ZFAT: variants seen among roughly 807,000 people sequenced by gnomAD.
ZFAT encodes the protein zinc finger protein ZFAT.
A neutral mutation model predicts 117.7 loss-of-function variants in ZFAT; 64 were observed. That is an observed-to-expected ratio of 0.54 (90% CI 0.44 to 0.67). The LOEUF is 0.67. Among genes scored for constraint, ZFAT ranks in the 30% least tolerant of loss-of-function variants. The probability of loss-of-function intolerance (pLI) is 0.00; values close to 1 mark genes in which losing one functional copy is unlikely to be tolerated. For missense variants in ZFAT, 1,433 were observed against 1,584.5 expected (o/e 0.90, Z 1.62); for synonymous variants, 679 against 615.0 (o/e 1.10, Z -1.54).
Position 134,583,841 on chromosome 8 carries a change from T to C in ZFAT, c.2878A>G (p.Thr960Ala), listed in dbSNP as rs563637779. ...TGGGCCATTTACTCACCATCTGCAG[T>C]GTGAAGGAGTTTGTGACTTTTCAGT... ...GTLKSHKLLH[T>A]ADGKQFKCTV... Residue 960 changes from threonine to alanine, a missense_variant, in exon 10 of 16, where the codon ACT becomes GCT. Physicochemically the swap from Thr to Ala is moderately conservative, Grantham distance 58 (BLOSUM62 0). Transcript: ENST00000377838. 1.2e-5 allele frequency: 19 copies of C among 1,613,522 alleles called. No individual in the cohort carries two copies. The African/African-American group carries it at 1.9e-4, about 16-fold the overall frequency.
chr8:134,824,324 C>G, the ZFAT span, among the ~76,000 whole-genome samples: 1 of 152,022 alleles, frequency 6.6e-6, no homozygotes, highest in East Asian at 1.9e-4. Context: ...AAAGTTGGAG[C>G]TAGGGAAAGA....
chr8:134,646,113 G>A (rs1048263397), intron 2 of ZFAT, among the ~76,000 whole-genome samples: 2 of 152,122 alleles, frequency 1.3e-5, no homozygotes, highest in Non-Finnish European at 2.9e-5. Flanking sequence ...GGAGGCTGAG[G>A]CAGGAGAATC....
chr8:134,611,842 G>A (rs949352734), intron 3 of ZFAT, among the ~76,000 whole-genome samples: 1 of 152,234 alleles, frequency 6.6e-6, no homozygotes, highest in African/African-American at 2.4e-5. Context: ...TGCCGCTGCT[G>A]CAGACAGCAA....
intron 3 of ZFAT, among the ~76,000 whole-genome samples, chr8:134,619,710 A>G (rs768365156): frequency 4.6e-5 from 7 of 152,230 alleles, no homozygotes; most frequent in Non-Finnish European, 8.8e-5. Flanking sequence ...TTAAACAAAT[A>G]GCAAGGGAAG....
intron 15 of ZFAT, among the ~76,000 whole-genome samples, chr8:134,504,767 G>A (rs75326728): frequency 1.4e-4 from 22 of 152,126 alleles, no homozygotes; most frequent in Admixed American, 3.9e-4. Flanking sequence ...AGATACTTCC[G>A]AGACTTGGAA....
intron 1 of ZFAT, among the ~76,000 whole-genome samples, chr8:134,701,699 G>A (rs773067963): frequency 7.2e-5 from 11 of 152,092 alleles, no homozygotes; most frequent in Admixed American, 2.0e-4. Context: ...TCTTTAATAC[G>A]ACCTTGAGAT....
At chr8:134,778,692 GC>G in the ZFAT span, among the ~76,000 whole-genome samples, 21 of 152,216 alleles carry the variant, frequency 1.4e-4, no homozygotes, top group African/African-American at 4.8e-4. Flanking sequence ...TGCAAAGGAA[GC>G]ACAGACAAGG....
At chr8:134,741,342 A>G in the ZFAT span, among the ~76,000 whole-genome samples, 3 of 151,974 alleles carry the variant, frequency 2.0e-5, no homozygotes, top group African/African-American at 7.3e-5. Flanking sequence ...CAGGCTCTCC[A>G]ACAACCTTCT....
the ZFAT span, chr8:134,793,903 T>C: frequency 2.0e-5 from 3 of 152,146 alleles, no homozygotes; most frequent in African/African-American, 4.8e-5. Context: ...CACAATAAAA[T>C]AAATAACTGA....
At chr8:134,718,253 C>T in the ZFAT span, among the ~76,000 whole-genome samples, 1 of 152,086 alleles carries the variant, frequency 6.6e-6, no homozygotes, top group African/African-American at 2.4e-5. Context: ...AATTCCAGCA[C>T]TTTGGGAGGC....
intron 13 of ZFAT, among the ~76,000 whole-genome samples, chr8:134,514,923 T>C (rs972431024): frequency 2.6e-5 from 4 of 152,190 alleles, no homozygotes; most frequent in Non-Finnish European, 5.9e-5. Flanking sequence ...ACTCGTCATC[T>C]ACATTAGGTA....
At chr8:134,672,905 T>C (rs896263788) in intron 1 of ZFAT, among the ~76,000 whole-genome samples, 1 of 151,808 alleles carries the variant, frequency 6.6e-6, no homozygotes, top group East Asian at 1.9e-4. Context: ...AGGAAGAAAA[T>C]ATAAAAACAA....
At chr8:134,817,431 ACACAC>A in the ZFAT span, among the ~76,000 whole-genome samples, 175 of 124,628 alleles carry the variant, frequency 1.4e-3, 1 homozygote, top group African/African-American at 4.7e-3. Context: ...ACACACACAC[ACACAC>A]AACGCACCCT....
intron 10 of ZFAT, among the ~76,000 whole-genome samples, chr8:134,568,421 A>C (rs540136895): frequency 3.7e-4 from 57 of 152,374 alleles, no homozygotes; most frequent in South Asian, 2.3e-3. Context: ...GCTCATGTGC[A>C]TACAGCATCA....
At chr8:134,499,219 G>T (rs1387418320) in intron 15 of ZFAT, among the ~76,000 whole-genome samples, 2 of 130,822 alleles carry the variant, frequency 1.5e-5, no homozygotes, top group South Asian at 2.8e-4. Context: ...GGTGGAGCTG[G>T]GATGCCCCCG....
intron 13 of ZFAT, among the ~76,000 whole-genome samples, chr8:134,515,506 C>A (rs942654980): frequency 2.0e-5 from 3 of 152,220 alleles, no homozygotes; most frequent in African/African-American, 7.2e-5. Flanking sequence ...ACCATTCTAA[C>A]TGGCGTGAGA....
chr8:134,755,817 CAA>C, the ZFAT span, among the ~76,000 whole-genome samples: 162 of 89,988 alleles, frequency 1.8e-3, no homozygotes, highest in African/African-American at 5.7e-3. Context: ...GACTCCATCT[CAA>C]AAAAAAAAAA....
At chr8:134,678,683 A>C (rs1300470517) in intron 1 of ZFAT, among the ~76,000 whole-genome samples, 4 of 152,340 alleles carry the variant, frequency 2.6e-5, no homozygotes, top group African/African-American at 7.2e-5. Context: ...ACCTGATTTC[A>C]AACTATACTA....
At chr8:134,544,615 A>G (rs1822553463) in intron 11 of ZFAT, among the ~76,000 whole-genome samples, 1 of 152,196 alleles carries the variant, frequency 6.6e-6, no homozygotes, top group Non-Finnish European at 1.5e-5. Context: ...CACCCAACAG[A>G]AAAATGAAAA....
Sources: gnomAD v4.1 joint callset for allele counts (sites outside exome capture counted in the v4.1 genomes callset) on GRCh38, gnomAD v4.1.1 for gene constraint, MANE v1.5 for transcripts, NCBI Gene and HGNC (gene_info 2026-07-23, HGNC 2026-07-21) for gene names.